R3HDM1: variants seen among roughly 807,000 people sequenced by gnomAD.
R3HDM1 encodes the protein R3H domain containing 1, also known as R3H domain-containing protein 1.
In R3HDM1, 46 loss-of-function variants were observed where a neutral mutation model predicts 141.1. The ratio of observed to expected loss-of-function variants is 0.33; its 90% CI spans 0.26 to 0.42. The LOEUF is 0.42. R3HDM1 is among the 10% of genes least tolerant of loss of function. R3HDM1 has a pLI of 1.00. For missense variants in R3HDM1, 1,184 were observed against 1,368.3 expected, an observed-to-expected ratio of 0.87 and a Z score of 2.12; for synonymous variants, 435 against 472.9, an observed-to-expected ratio of 0.92 and a Z score of 1.04.
At chr2:135,545,388 G>C (rs532433285) in intron 1 of R3HDM1, among the ~76,000 whole-genome samples, 3 of 152,150 alleles carry the variant, frequency 2.0e-5, no homozygotes, top group African/African-American at 7.2e-5. Context: ...GTTGAGGTTA[G>C]AACATGATGG....
At chr2:135,565,354 TTATTATTA>T (rs1212201480) in intron 1 of R3HDM1, among the ~76,000 whole-genome samples, 2 of 147,726 alleles carry the variant, frequency 1.4e-5, no homozygotes, top group African/African-American at 4.9e-5. Flanking sequence ...ATTATTATTA[TTATTATTA>T]TTTTTAAATT....
chr2:135,723,551 T>C (rs2076901957), intron 26 of R3HDM1, among the ~76,000 whole-genome samples: 1 of 151,176 alleles, frequency 6.6e-6, no homozygotes, highest in Non-Finnish European at 1.5e-5. Context: ...GCAGGTGGAT[T>C]GCCTGAACTC....
chr2:135,622,438 G>T, intron 6 of R3HDM1: 1 of 983,974 alleles, frequency 1.0e-6, no homozygotes, highest in Non-Finnish European at 1.2e-6. Flanking sequence ...AAGAATGTGC[G>T]TGGATATGCA....
intron 17 of R3HDM1, 21 bp downstream of exon 17, chr2:135,650,024 T>C: frequency 8.2e-7 from 1 of 1,216,024 alleles, no homozygotes; most frequent in South Asian, 1.5e-5. Context: ...TCTATTCACC[T>C]CCTGCGTTGT....
intron 19 of R3HDM1, among the ~76,000 whole-genome samples, chr2:135,664,652 C>T (rs1001737942): frequency 1.3e-5 from 2 of 152,076 alleles, no homozygotes; most frequent in Non-Finnish European, 2.9e-5. Flanking sequence ...TCCATGTGTC[C>T]CAGTGGACCA....
intron 1 of R3HDM1, chr2:135,536,815 C>A: frequency 1.5e-6 from 1 of 652,988 alleles, no homozygotes; most frequent in Non-Finnish European, 1.9e-6. Context: ...ACCACCTGAG[C>A]TCTGCCTCCT....
chr2:135,704,933 C>G (rs2074709205), intron 21 of R3HDM1, among the ~76,000 whole-genome samples: 1 of 152,030 alleles, frequency 6.6e-6, no homozygotes, highest in Admixed American at 6.6e-5. Flanking sequence ...TAGGTCGTAT[C>G]TTTTTACTTT....
chr2:135,614,389 G>T (rs2060821522), intron 3 of R3HDM1, among the ~76,000 whole-genome samples: 1 of 151,984 alleles, frequency 6.6e-6, no homozygotes, highest in African/African-American at 2.4e-5. Context: ...TTTCTGACAT[G>T]GTCAGTTCCT....
At chr2:135,586,688 G>A (rs1311431638) in intron 1 of R3HDM1, 1 of 985,082 alleles carries the variant, frequency 1.0e-6, no homozygotes, top group Non-Finnish European at 1.2e-6. Flanking sequence ...TGTTTAGGTT[G>A]GTGGAGTGAA....
chr2:135,628,316 TG>T (rs138453599), intron 7 of R3HDM1, among the ~76,000 whole-genome samples: 1,955 of 152,304 alleles, frequency 0.013, 30 homozygotes, highest in African/African-American at 0.042. Flanking sequence ...TTGTCATTCT[TG>T]TTTTTTTAAC....
intron 21 of R3HDM1, among the ~76,000 whole-genome samples, chr2:135,704,186 A>T (rs539176835): frequency 2.4e-4 from 36 of 152,158 alleles, no homozygotes; most frequent in Admixed American, 2.0e-3. Context: ...CACCATGCTG[A>T]CCAGGCTGGT....
intron 1 of R3HDM1, among the ~76,000 whole-genome samples, chr2:135,556,521 CTTT>C (rs767659497): frequency 2.1e-5 from 3 of 141,226 alleles, no homozygotes; most frequent in Non-Finnish European, 1.6e-5. Flanking sequence ...CTATGTCAGA[CTTT>C]TTTTTTTTTT....
At chr2:135,543,990 C>G (rs1254464222) in intron 1 of R3HDM1, among the ~76,000 whole-genome samples, 1 of 152,212 alleles carries the variant, frequency 6.6e-6, no homozygotes, top group East Asian at 1.9e-4. Flanking sequence ...AGCTCTGCCT[C>G]TTAACAACTG....
chr2:135,622,389 G>A (rs982201057), intron 6 of R3HDM1: 3 of 984,216 alleles, frequency 3.0e-6, no homozygotes, highest in Non-Finnish European at 1.2e-6. Flanking sequence ...GAATTTAGAG[G>A]AAATTAAACA....
intron 21 of R3HDM1, among the ~76,000 whole-genome samples, chr2:135,703,509 T>TATATATAAG (rs1187695731): frequency 5.9e-5 from 9 of 152,172 alleles, no homozygotes; most frequent in Non-Finnish European, 1.2e-4. Context: ...GGCTCACCAT[T>TATATATAAG]TTATCTTAGC....
At position 135,614,194 on chromosome 2, in the gene R3HDM1, A is replaced by G. The variant is rs569133338; in HGVS notation, c.172-1958A>G. On this transcript the variant is annotated intron_variant, in intron 3 of 26. Coordinates refer to ENST00000683871, the MANE Select transcript of R3HDM1 (RefSeq NM_001378107.1). Reference sequence around the variant, plus strand: ...CTTCCTTTATCTTTTCCTCATTTTCATCAAAGCCTCCTCGTAGATTAAAAG... The same window carrying G: ...CTTCCTTTATCTTTTCCTCATTTTCGTCAAAGCCTCCTCGTAGATTAAAAG... 1.8e-4 allele frequency among the ~76,000 whole-genome samples: 28 copies of G among 152,312 alleles called. No individual in the cohort carries two copies. In the South Asian group the frequency reaches 5.8e-3, roughly 32 times the overall value.
At chr2:135,572,506 A>T (rs1010306377) in intron 1 of R3HDM1, among the ~76,000 whole-genome samples, 1 of 152,220 alleles carries the variant, frequency 6.6e-6, no homozygotes, top group African/African-American at 2.4e-5. Flanking sequence ...CTTCATGCCC[A>T]CTAGGATGAC....
chr2:135,594,579 C>T (rs1198374418), intron 1 of R3HDM1, among the ~76,000 whole-genome samples: 1 of 152,188 alleles, frequency 6.6e-6, no homozygotes, highest in African/African-American at 2.4e-5. Flanking sequence ...ACAAGCCCTA[C>T]AGCCATCCCG....
intron 19 of R3HDM1, among the ~76,000 whole-genome samples, chr2:135,670,014 C>A: frequency 6.6e-6 from 1 of 151,800 alleles, no homozygotes; most frequent in East Asian, 1.9e-4. Context: ...TGGCACGCAC[C>A]TGTAATCCCA....
Sources: allele counts gnomAD v4.1 joint callset (sites outside exome capture counted in the v4.1 genomes callset), GRCh38; gene constraint gnomAD v4.1.1; transcripts MANE v1.5; gene names NCBI Gene and HGNC (gene_info 2026-07-23, HGNC 2026-07-21).